Variants in PTPRD observed in about 807,000 individuals in gnomAD.
PTPRD encodes the protein receptor-type tyrosine-protein phosphatase delta.
A neutral mutation model predicts 214.5 loss-of-function variants in PTPRD; 34 were observed. That is an observed-to-expected ratio of 0.16 (90% CI 0.12 to 0.21). The LOEUF is 0.21. Among genes scored for constraint, PTPRD ranks in the 10% least tolerant of loss-of-function variants. The probability of loss-of-function intolerance (pLI) is 1.00; values close to 1 mark genes in which losing one functional copy is unlikely to be tolerated. For synonymous variants in PTPRD, 1,128 were observed against 845.7 expected (o/e 1.33, Z -5.79); for missense variants, 2,545 against 2,398.7 (o/e 1.06, Z -1.27).
intron 10 of PTPRD, among the ~76,000 whole-genome samples, chr9:9,019,283 AG>A (rs1209708095): frequency 3.5e-5 from 1 of 28,684 alleles, no homozygotes; most frequent in Admixed American, 4.2e-4. Context: ...AAAAGAAAGA[AG>A]AAAGAAAGAA....
intron 7 of PTPRD, among the ~76,000 whole-genome samples, chr9:9,609,463 T>G (rs1456147712): frequency 1.3e-5 from 2 of 152,138 alleles, no homozygotes; most frequent in Non-Finnish European, 2.9e-5. Context: ...GTGTTTTTTG[T>G]TGTCGTTGTT....
At chr9:8,726,590 T>A (rs869090466) in intron 12 of PTPRD, among the ~76,000 whole-genome samples, 13,427 of 20,464 alleles carry the variant, frequency 0.66, 3,624 homozygotes, top group African/African-American at 0.72. Context: ...AAAAAAAAAA[T>A]ATATATATAT....
intron 10 of PTPRD, among the ~76,000 whole-genome samples, chr9:9,084,782 T>C (rs1052758609): frequency 6.6e-6 from 1 of 152,138 alleles, no homozygotes; most frequent in Non-Finnish European, 1.5e-5. Flanking sequence ...GATTGCTTCA[T>C]AGTTCACGGA....
chr9:8,519,032 T>G (rs1481409262), intron 20 of PTPRD, among the ~76,000 whole-genome samples: 1 of 152,150 alleles, frequency 6.6e-6, no homozygotes, highest in Non-Finnish European at 1.5e-5. Flanking sequence ...AACAATAACA[T>G]CTATATTCTG....
intron 5 of PTPRD, among the ~76,000 whole-genome samples, chr9:9,922,742 CA>C (rs1019881688): frequency 6.6e-6 from 1 of 151,656 alleles, no homozygotes; most frequent in African/African-American, 2.4e-5. Flanking sequence ...AAACCAAAAA[CA>C]AGAACATTCT....
chr9:8,530,461 T>C (rs535248152), intron 14 of PTPRD, among the ~76,000 whole-genome samples: 1 of 152,158 alleles, frequency 6.6e-6, no homozygotes. Flanking sequence ...CTCAAACATA[T>C]TTCATTCTTT....
chr9:8,996,349 A>G (rs1227447260), intron 11 of PTPRD, among the ~76,000 whole-genome samples: 1 of 152,106 alleles, frequency 6.6e-6, no homozygotes, highest in Non-Finnish European at 1.5e-5. Flanking sequence ...AATGCAATAC[A>G]CTAAATGAAA....
intron 9 of PTPRD, among the ~76,000 whole-genome samples, chr9:9,359,535 G>A (rs1403715749): frequency 1.3e-5 from 2 of 151,202 alleles, no homozygotes; most frequent in Non-Finnish European, 3.0e-5. Context: ...CAATTCTGCA[G>A]CATGGCTGGG....
At chr9:10,573,428 C>T (rs1435691088) in intron 2 of PTPRD, among the ~76,000 whole-genome samples, 2 of 152,060 alleles carry the variant, frequency 1.3e-5, no homozygotes, top group Non-Finnish European at 2.9e-5. Context: ...TTCAGATATC[C>T]TCATAGTGCA....
chr9:8,878,411 A>G (rs1019476986), intron 11 of PTPRD, among the ~76,000 whole-genome samples: 1 of 152,206 alleles, frequency 6.6e-6, no homozygotes, highest in African/African-American at 2.4e-5. Context: ...GTGGGGAACA[A>G]AAATGGAAGA....
rs565110736 is a variant in PTPRD at position 10,449,180 on chromosome 9, C to T, written c.-599-108163G>A. Among the ~76,000 whole-genome samples the T allele has an allele frequency of 1.5e-3, 227 of 152,086 alleles. 9 individuals carry two copies. The highest frequency in any genetic ancestry group is 5.0e-3 in the African/African-American group (208 of 41,356). On this transcript the variant is annotated intron_variant, in intron 2 of 45. Coordinates refer to ENST00000381196, the MANE Select transcript of PTPRD (RefSeq NM_002839.4). ...TCAGCCTGCCAAGTGCCTGGGATTG[C>T]GGGCGGGTGCCGCCACGCCTGACTG...
chr9:10,122,532 AC>A (rs1481321978), intron 3 of PTPRD, among the ~76,000 whole-genome samples: 15 of 152,104 alleles, frequency 9.9e-5, no homozygotes, highest in Non-Finnish European at 2.1e-4. Flanking sequence ...AGAAAAAAAA[AC>A]ATCCTTTTGG....
intron 27 of PTPRD, among the ~76,000 whole-genome samples, chr9:8,490,381 C>T (rs565402250): frequency 7.9e-4 from 121 of 152,242 alleles, no homozygotes; most frequent in African/African-American, 2.7e-3. Context: ...GGAGATCAAC[C>T]GAGGTACTCA....
chr9:9,265,778 GACA>G (rs1340725292), intron 9 of PTPRD, among the ~76,000 whole-genome samples: 1 of 149,788 alleles, frequency 6.7e-6, no homozygotes, highest in Non-Finnish European at 1.5e-5. Context: ...CAAAAGGAAA[GACA>G]ACAACAACAA....
intron 3 of PTPRD, among the ~76,000 whole-genome samples, chr9:10,141,784 G>A (rs1375562473): frequency 2.4e-4 from 37 of 152,016 alleles, no homozygotes; most frequent in Admixed American, 2.2e-3. Flanking sequence ...AAAAGAGCCC[G>A]CATTGCCAAG....
chr9:10,196,761 C>T (rs1385105541), intron 3 of PTPRD, among the ~76,000 whole-genome samples: 1 of 152,026 alleles, frequency 6.6e-6, no homozygotes, highest in East Asian at 1.9e-4. Flanking sequence ...TGTTTGCATA[C>T]CCCCAGAATT....
At chr9:9,052,796 G>C (rs1306821293) in intron 10 of PTPRD, among the ~76,000 whole-genome samples, 2 of 152,152 alleles carry the variant, frequency 1.3e-5, no homozygotes, top group Non-Finnish European at 2.9e-5. Context: ...GGAATTTTAT[G>C]TCACTTGAGG....
rs995866545 is a variant in PTPRD, at chr9:9,905,192, C to T, written c.-368+33315G>A. Reference sequence around the variant, plus strand: ...AGTTCTTTCTAGACCATTACACATACGTATGTATGTTTGTATCTACATATC... The same window carrying T: ...AGTTCTTTCTAGACCATTACACATATGTATGTATGTTTGTATCTACATATC... On this transcript the variant is annotated intron_variant, in intron 5 of 45. Coordinates refer to ENST00000381196, the MANE Select transcript of PTPRD (RefSeq NM_002839.4). Among the ~76,000 whole-genome samples, 23 of 151,970 alleles carry T rather than the reference C, an allele frequency of 1.5e-4. 1 individual carries two copies. In the Middle Eastern group the frequency reaches 0.014, roughly 90 times the overall value.
At chr9:10,154,845 T>C (rs2099083610) in intron 3 of PTPRD, among the ~76,000 whole-genome samples, 1 of 152,178 alleles carries the variant, frequency 6.6e-6, no homozygotes, top group Non-Finnish European at 1.5e-5. Flanking sequence ...TTTTGTTTAC[T>C]GTAGCCCTGT....
Sources: allele counts gnomAD v4.1 joint callset (sites outside exome capture counted in the v4.1 genomes callset), GRCh38; gene constraint gnomAD v4.1.1; transcripts MANE v1.5; gene names NCBI Gene and HGNC (gene_info 2026-07-23, HGNC 2026-07-21).